FHOD3: variants seen among roughly 807,000 people sequenced by gnomAD.
FHOD3 encodes FH1/FH2 domain-containing protein 3.
FHOD3 carries 90 observed loss-of-function variants against 173.0 expected under a neutral mutation model. That is an observed-to-expected ratio of 0.52 (90% CI 0.44 to 0.62). The LOEUF is 0.62. Ranked by LOEUF, FHOD3 falls within the 20% of genes least tolerant of loss-of-function variation. The pLI, the probability that FHOD3 is intolerant of heterozygous loss-of-function variation, is 0.00. For missense variants in FHOD3, 1,945 were observed against 2,034.7 expected (o/e 0.96, Z 0.85); for synonymous variants, 828 against 823.0 (o/e 1.01, Z -0.10).
chr18:36,363,710 A>G (rs568923117), intron 2 of FHOD3, among the ~76,000 whole-genome samples: 2 of 152,312 alleles, frequency 1.3e-5, no homozygotes, highest in Admixed American at 1.3e-4. Context: ...ACTGCTCTGT[A>G]TTTTATTGTA....
chr18:36,552,585 G>A (rs1316422687), intron 5 of FHOD3, among the ~76,000 whole-genome samples: 7 of 149,744 alleles, frequency 4.7e-5, no homozygotes, highest in African/African-American at 1.7e-4. Flanking sequence ...TGCAAGCTCC[G>A]CCTCCCAGGT....
intron 4 of FHOD3, among the ~76,000 whole-genome samples, chr18:36,511,369 C>T (rs7243292): frequency 0.61 from 89,182 of 146,426 alleles, 26,910 homozygotes; most frequent in East Asian, 0.64. Context: ...TTTTTTTTTT[C>T]TTTTCTTTTC....
Position 36,594,912 on chromosome 18 carries a change from G to A in FHOD3, c.718+14G>A. The A allele has an allele frequency of 3.9e-6, 6 of 1,554,312 alleles. No homozygotes were observed. The highest frequency in any genetic ancestry group is 5.3e-6 in the Non-Finnish European group (6 of 1,128,248). ...ACACGAAAAGAGGTGAGTAGTCCCT[G>A]CCCCCTTATGTCATGAAGGTGAAGG... On this transcript the variant is annotated intron_variant, in intron 7 of 28. Coordinates refer to ENST00000590592, the MANE Select transcript of FHOD3 (RefSeq NM_001281740.3).
Position 36,450,447 on chromosome 18 carries a change from ATTT to A in FHOD3, c.338-51484_338-51482del, listed in dbSNP as rs1568287320. On this transcript the variant is annotated intron_variant, in intron 3 of 28. Transcript: ENST00000590592. ...AGTAGCATTTACGACCAGTTTGTTT[ATTT>A]ATTTATTTATTTATTTATTTATTTA... is the stretch of plus-strand genomic sequence containing the variant. Among the ~76,000 whole-genome samples, 127 of 82,262 alleles carry A rather than the reference ATTT, an allele frequency of 1.5e-3. 3 individuals are homozygous for A. In the East Asian group the frequency reaches 0.08, roughly 52 times the overall value. The allele number at this position is 82,262 out of a possible 152,430, so 54.0% of individuals were successfully genotyped here.
intron 10 of FHOD3, among the ~76,000 whole-genome samples, chr18:36,637,741 G>A (rs2034992899): frequency 1.3e-5 from 2 of 152,306 alleles, no homozygotes; most frequent in South Asian, 4.1e-4. Context: ...GAGGGTTACA[G>A]GGATATGAGA....
chr18:36,672,177 T>A (rs1360989775), intron 14 of FHOD3, among the ~76,000 whole-genome samples: 1 of 152,166 alleles, frequency 6.6e-6, no homozygotes, highest in Non-Finnish European at 1.5e-5. Flanking sequence ...CATTTCAGAT[T>A]TTATTGGAGT....
At chr18:36,306,337 A>G (rs2092096679) in intron 1 of FHOD3, among the ~76,000 whole-genome samples, 1 of 152,142 alleles carries the variant, frequency 6.6e-6, no homozygotes, top group African/African-American at 2.4e-5. Context: ...TGTCTGTCTA[A>G]GGGTTTGTGT....
intron 3 of FHOD3, among the ~76,000 whole-genome samples, chr18:36,458,751 C>T (rs143689775): frequency 0.014 from 1,942 of 143,396 alleles, 45 homozygotes; most frequent in African/African-American, 0.048. Flanking sequence ...ATCGGGGTGA[C>T]TTGGCCAAGC....
intron 20 of FHOD3, among the ~76,000 whole-genome samples, chr18:36,733,768 G>A (rs370356528): frequency 3.9e-5 from 6 of 152,098 alleles, no homozygotes; most frequent in African/African-American, 1.4e-4. Flanking sequence ...TTTTACTGTG[G>A]GCCAGACACC....
intron 3 of FHOD3, among the ~76,000 whole-genome samples, chr18:36,404,381 A>G (rs959263801): frequency 2.6e-5 from 4 of 152,190 alleles, no homozygotes; most frequent in African/African-American, 9.7e-5. Context: ...CAGGGATTGT[A>G]GTGTTCTCCT....
At chr18:36,545,301 T>C (rs1317305633) in intron 5 of FHOD3, among the ~76,000 whole-genome samples, 1 of 152,204 alleles carries the variant, frequency 6.6e-6, no homozygotes, top group Non-Finnish European at 1.5e-5. Flanking sequence ...TATGTAATAA[T>C]GACAGCTGGT....
chr18:36,584,575 G>T (rs566265001), intron 6 of FHOD3, among the ~76,000 whole-genome samples: 1 of 152,132 alleles, frequency 6.6e-6, no homozygotes, highest in Middle Eastern at 3.4e-3. Context: ...CACATTAATT[G>T]AATTGAAATA....
intron 7 of FHOD3, among the ~76,000 whole-genome samples, chr18:36,595,689 G>A (rs773526522): frequency 3.9e-5 from 6 of 152,318 alleles, no homozygotes; most frequent in South Asian, 2.1e-4. Context: ...CTGCAAACAC[G>A]TGGCGAAGAA....
At chr18:36,689,027 C>A (rs2469880) in intron 16 of FHOD3, among the ~76,000 whole-genome samples, 70,252 of 152,030 alleles carry the variant, frequency 0.46, 16,473 homozygotes, top group East Asian at 0.66. Flanking sequence ...CCCTTGAAGC[C>A]ACCTCTCTGT....
intron 1 of FHOD3, among the ~76,000 whole-genome samples, chr18:36,342,838 G>A (rs2848588): frequency 0.76 from 115,640 of 152,174 alleles, 44,118 homozygotes; most frequent in Middle Eastern, 0.84. Context: ...AAGACCAATA[G>A]CACAATTTTA....
chr18:36,583,805 A>AATTATTATT (rs112886691), intron 6 of FHOD3, among the ~76,000 whole-genome samples: 1 of 151,096 alleles, frequency 6.6e-6, no homozygotes, highest in Non-Finnish European at 1.5e-5. Flanking sequence ...TTTATTGTTT[A>AATTATTATT]ATTATTATTA....
In FHOD3 at chr18:36,748,943, ATT is replaced by A. The variant is rs200595177; in HGVS notation, c.4232+1820_4232+1821del. On this transcript the variant is annotated intron_variant, in intron 24 of 28. Coordinates refer to ENST00000590592, the MANE Select transcript of FHOD3 (RefSeq NM_001281740.3). ...AGGATCATAGCTGAGGATGGCTGTGATTTTTTTTTTTTTAAACTTAACACATT... is the reference window on the plus strand; with the variant it reads ...AGGATCATAGCTGAGGATGGCTGTGATTTTTTTTTTTAAACTTAACACATT... 1.4e-3 allele frequency among the ~76,000 whole-genome samples: 198 copies of A among 145,594 alleles called. 1 individual carries two copies. The highest frequency in any genetic ancestry group is 4.9e-3 in the African/African-American group (196 of 39,824).
intron 3 of FHOD3, among the ~76,000 whole-genome samples, chr18:36,416,435 A>G (rs971462366): frequency 1.3e-5 from 2 of 152,230 alleles, no homozygotes; most frequent in Non-Finnish European, 2.9e-5. Context: ...TCATGTGGGC[A>G]TCTCGATTCA....
chr18:36,586,162 T>G (rs1252658628), intron 6 of FHOD3, among the ~76,000 whole-genome samples: 1 of 152,214 alleles, frequency 6.6e-6, no homozygotes, highest in East Asian at 1.9e-4. Flanking sequence ...GAAGATAATA[T>G]TTGTCACATT....
Sources: allele counts gnomAD v4.1 joint callset (sites outside exome capture counted in the v4.1 genomes callset), GRCh38; gene constraint gnomAD v4.1.1; transcripts MANE v1.5; gene names NCBI Gene and HGNC (gene_info 2026-07-23, HGNC 2026-07-21).